The following XKR4 variants were observed in gnomAD, a reference collection of about 807,000 sequenced individuals.
XKR4 encodes XK related 4.
A neutral mutation model predicts 53.9 loss-of-function variants in XKR4; 12 were observed. That is an observed-to-expected ratio of 0.22 (90% CI 0.14 to 0.36). XKR4 has a LOEUF of 0.36. Ranked by LOEUF, XKR4 falls within the 10% of genes least tolerant of loss-of-function variation. XKR4 has a pLI of 1.00. For synonymous variants in XKR4, 354 were observed against 362.4 expected (o/e 0.98, Z 0.26); for missense variants, 799 against 859.5 (o/e 0.93, Z 0.88).
chr8:55,361,536 A>G (rs1803908827), intron 2 of XKR4, among the ~76,000 whole-genome samples: 1 of 151,942 alleles, frequency 6.6e-6, no homozygotes, highest in Non-Finnish European at 1.5e-5. Context: ...TGGCCGGACC[A>G]TGTGCACTCC....
intron 1 of XKR4, among the ~76,000 whole-genome samples, chr8:55,314,200 T>G (rs977596119): frequency 1.3e-5 from 2 of 152,108 alleles, no homozygotes; most frequent in Non-Finnish European, 2.9e-5. Flanking sequence ...CAATTAAGAT[T>G]TTAAAATGTG....
intron 1 of XKR4, among the ~76,000 whole-genome samples, chr8:55,239,315 G>A (rs2129368016): frequency 6.6e-6 from 1 of 152,320 alleles, no homozygotes; most frequent in East Asian, 1.9e-4. Context: ...ATTGTGTTCA[G>A]ATAGAAAAGG....
intron 1 of XKR4, among the ~76,000 whole-genome samples, chr8:55,139,586 C>A (rs531490679): frequency 6.6e-6 from 1 of 150,996 alleles, no homozygotes; most frequent in South Asian, 2.1e-4. Context: ...AAACAGATGA[C>A]TCAGAGAACA....
intron 1 of XKR4, among the ~76,000 whole-genome samples, chr8:55,247,855 C>CTTTCTTTCTTTCTTTCTTTCTTTCTTTT (rs369983175): frequency 1.7e-5 from 1 of 59,854 alleles, no homozygotes; most frequent in Non-Finnish European, 4.5e-5. Context: ...TTCTTTCTTT[C>CTTTCTTTCTTTCTTTCTTTCTTTCTTTT]TTTTTTTTTT....
chr8:55,280,788 C>T (rs188328191), intron 1 of XKR4, among the ~76,000 whole-genome samples: 28 of 152,192 alleles, frequency 1.8e-4, no homozygotes, highest in Admixed American at 8.5e-4. Context: ...TTACTGAAAT[C>T]AATAAGAGTT....
At chr8:55,277,437 T>A (rs1818779394) in intron 1 of XKR4, among the ~76,000 whole-genome samples, 4 of 152,228 alleles carry the variant, frequency 2.6e-5, no homozygotes, top group Non-Finnish European at 5.9e-5. Context: ...TTTTTCAGAT[T>A]TTGGGATATT....
At chr8:55,418,172 T>C (rs6473983) in intron 2 of XKR4, among the ~76,000 whole-genome samples, 20,937 of 152,146 alleles carry the variant, frequency 0.14, 3,091 homozygotes, top group African/African-American at 0.37. Context: ...ACTTCCTATC[T>C]ACACCTCGAG....
chr8:55,327,331 C>T (rs1756358155), intron 1 of XKR4, among the ~76,000 whole-genome samples: 1 of 151,586 alleles, frequency 6.6e-6, no homozygotes, highest in Admixed American at 6.6e-5. Flanking sequence ...GCTCAAAATT[C>T]ATCTCTTCCT....
intron 1 of XKR4, among the ~76,000 whole-genome samples, chr8:55,310,581 T>C (rs1819374894): frequency 6.6e-6 from 1 of 152,234 alleles, no homozygotes; most frequent in Non-Finnish European, 1.5e-5. Context: ...TATAATTTTG[T>C]AGAAGGGGCA....
intron 1 of XKR4, among the ~76,000 whole-genome samples, chr8:55,201,799 C>A (rs1282359338): frequency 6.6e-6 from 1 of 152,174 alleles, no homozygotes; most frequent in African/African-American, 2.4e-5. Flanking sequence ...CACATTCCTG[C>A]TGAATTGGTA....
chr8:55,477,767 T>G (rs1198608595), intron 2 of XKR4, among the ~76,000 whole-genome samples: 1 of 151,990 alleles, frequency 6.6e-6, no homozygotes, highest in African/African-American at 2.4e-5. Context: ...TGCAAAAGCC[T>G]CAGGAGCTGA....
intron 1 of XKR4, among the ~76,000 whole-genome samples, chr8:55,243,683 C>T (rs1469880841): frequency 6.6e-6 from 1 of 152,188 alleles, no homozygotes. Context: ...TGCATTCCCA[C>T]CAGCAATAAA....
chr8:55,156,324 C>T (rs2129356292), intron 1 of XKR4, among the ~76,000 whole-genome samples: 1 of 151,534 alleles, frequency 6.6e-6, no homozygotes, highest in East Asian at 1.9e-4. Context: ...AATTTTGAAT[C>T]CAAATGACCG....
chr8:55,223,002 G>T (rs964085009), intron 1 of XKR4, among the ~76,000 whole-genome samples: 2 of 152,086 alleles, frequency 1.3e-5, no homozygotes, highest in Non-Finnish European at 2.9e-5. Context: ...GCATCTGACT[G>T]GCTGCTCTTT....
At chr8:55,449,049 C>T (rs1376855563) in intron 2 of XKR4, among the ~76,000 whole-genome samples, 1 of 149,490 alleles carries the variant, frequency 6.7e-6, no homozygotes, top group East Asian at 2.0e-4. Flanking sequence ...AACTTTTAGT[C>T]ATGGTGGTAT....
chr8:55,449,466 C>T, intron 2 of XKR4: 3 of 942,876 alleles, frequency 3.2e-6, no homozygotes, highest in East Asian at 2.6e-5. Context: ...CCCTAGTGGT[C>T]GGTAACGACT....
intron 2 of XKR4, among the ~76,000 whole-genome samples, chr8:55,481,869 T>C (rs1257182546): frequency 6.6e-6 from 1 of 152,076 alleles, no homozygotes; most frequent in Non-Finnish European, 1.5e-5. Flanking sequence ...CCAGTTAGAA[T>C]GGAAATCATT....
At chr8:55,447,907 C>T (rs1805369663) in intron 2 of XKR4, among the ~76,000 whole-genome samples, 1 of 152,134 alleles carries the variant, frequency 6.6e-6, no homozygotes, top group Non-Finnish European at 1.5e-5. Flanking sequence ...TTTAAAGGAA[C>T]GTAACATTAA....
At chr8:55,129,595 G>A (rs1440514806) in intron 1 of XKR4, among the ~76,000 whole-genome samples, 1 of 152,168 alleles carries the variant, frequency 6.6e-6, no homozygotes, top group Non-Finnish European at 1.5e-5. Context: ...ATTTTTGAGA[G>A]TGGTGGACAG....
Sources: allele counts gnomAD v4.1 joint callset (sites outside exome capture counted in the v4.1 genomes callset), GRCh38; gene constraint gnomAD v4.1.1; transcripts MANE v1.5; gene names NCBI Gene and HGNC (gene_info 2026-07-23, HGNC 2026-07-21).